NMNAT2: variants seen among roughly 807,000 people sequenced by gnomAD.
The protein encoded by NMNAT2 is nicotinamide nucleotide adenylyltransferase 2.
Under a neutral mutation model 41.6 loss-of-function variants are expected in NMNAT2, and 11 were observed. The ratio of observed to expected loss-of-function variants is 0.26; its 90% CI spans 0.17 to 0.44. NMNAT2 has a LOEUF of 0.44. Ranked by LOEUF, NMNAT2 falls within the 20% of genes least tolerant of loss-of-function variation. The probability of loss-of-function intolerance (pLI) is 1.00; values close to 1 mark genes in which losing one functional copy is unlikely to be tolerated. For missense variants in NMNAT2, 288 were observed against 407.7 expected (o/e 0.71, Z 2.53); for synonymous variants, 148 against 151.2 (o/e 0.98, Z 0.16).
At chr1:183,402,680 C>G (rs1648844313) in intron 1 of NMNAT2, among the ~76,000 whole-genome samples, 1 of 152,162 alleles carries the variant, frequency 6.6e-6, no homozygotes, top group South Asian at 2.1e-4. Context: ...TTACTCACAA[C>G]ACAGGCCAAA....
At chr1:183,342,282 G>A (rs570736328) in intron 1 of NMNAT2, among the ~76,000 whole-genome samples, 1 of 152,030 alleles carries the variant, frequency 6.6e-6, no homozygotes, top group Non-Finnish European at 1.5e-5. Context: ...CTTGAGACCA[G>A]GGATTCAAGA....
At chr1:183,295,362 T>C (rs1661662469) in intron 1 of NMNAT2, among the ~76,000 whole-genome samples, 1 of 152,166 alleles carries the variant, frequency 6.6e-6, no homozygotes, top group South Asian at 2.1e-4. Context: ...AGACTATTTG[T>C]AACACCGTTT....
chr1:183,256,515 T>C (rs1242748400), intron 10 of NMNAT2, among the ~76,000 whole-genome samples: 3 of 152,252 alleles, frequency 2.0e-5, no homozygotes, highest in South Asian at 4.1e-4. Flanking sequence ...AGAAAGGATG[T>C]TGAACTTTGT....
intron 1 of NMNAT2, among the ~76,000 whole-genome samples, chr1:183,387,512 A>G (rs971998421): frequency 6.6e-6 from 1 of 152,216 alleles, no homozygotes; most frequent in African/African-American, 2.4e-5. Context: ...ACAAGGTCTA[A>G]CACCAATAAT....
At chr1:183,348,424 GTA>G (rs1662978398) in intron 1 of NMNAT2, among the ~76,000 whole-genome samples, 1 of 152,142 alleles carries the variant, frequency 6.6e-6, no homozygotes, top group Admixed American at 6.5e-5. Context: ...GAGCTCCCCT[GTA>G]TATAAGGAAC....
Position 183,261,012 on chromosome 1 carries a change from T to G in NMNAT2, c.811A>C (p.Thr271Pro), listed in dbSNP as rs140845219. The G allele has an allele frequency of 1.9e-6, 3 of 1,613,530 alleles. No homozygotes were observed. The highest frequency in any genetic ancestry group is 2.5e-6 in the Non-Finnish European group (3 of 1,179,462). Residue 271 changes from threonine (T) to proline (P), a missense_variant, in exon 10 of 11, where the codon ACC becomes CCC. Thr to Pro is a conservative substitution (Grantham distance 38, BLOSUM62 -1). Transcript: ENST00000287713. Reference protein sequence around the residue: ...INHPMSVVSSTKSRLALQHGD... With the variant: ...INHPMSVVSSPKSRLALQHGD... ...ATTTGTCAAACATACCTGCTCTTGG[T>G]TGAGCTGACAACAGACATGGGATGG...
At chr1:183,302,800 C>T (rs1245036769) in intron 1 of NMNAT2, among the ~76,000 whole-genome samples, 5 of 152,166 alleles carry the variant, frequency 3.3e-5, no homozygotes, top group Non-Finnish European at 7.4e-5. Context: ...ACATCTTTTG[C>T]CCCTGTTTCT....
chr1:183,396,299 G>A (rs1338581484), intron 1 of NMNAT2, among the ~76,000 whole-genome samples: 1 of 152,126 alleles, frequency 6.6e-6, no homozygotes, highest in East Asian at 1.9e-4. Context: ...CAACAATCAG[G>A]TGATGGTCAG....
intron 1 of NMNAT2, among the ~76,000 whole-genome samples, chr1:183,298,658 C>G (rs888997461): frequency 6.6e-6 from 1 of 152,146 alleles, no homozygotes; most frequent in African/African-American, 2.4e-5. Flanking sequence ...AACACAGGAA[C>G]ATATATTTGA....
intron 2 of NMNAT2, among the ~76,000 whole-genome samples, chr1:183,293,221 C>G (rs1410828547): frequency 6.6e-6 from 1 of 152,192 alleles, no homozygotes; most frequent in African/African-American, 2.4e-5. Context: ...CAAGGTGCAT[C>G]TGTGGGAGAA....
chr1:183,255,175 C>T (rs2102273827), intron 10 of NMNAT2, among the ~76,000 whole-genome samples: 1 of 152,262 alleles, frequency 6.6e-6, no homozygotes, highest in East Asian at 1.9e-4. Flanking sequence ...AAGAGACTGT[C>T]CTCTCTTTAT....
intron 5 of NMNAT2, among the ~76,000 whole-genome samples, chr1:183,286,315 C>T (rs1318395677): frequency 3.9e-5 from 6 of 152,178 alleles, no homozygotes; most frequent in African/African-American, 1.2e-4. Context: ...TACTCTCAAA[C>T]TCCTGGGCTC....
chr1:183,415,716 A>G (rs747237647), intron 1 of NMNAT2, among the ~76,000 whole-genome samples: 6 of 152,264 alleles, frequency 3.9e-5, no homozygotes, highest in Non-Finnish European at 7.3e-5. Context: ...CATAACATAG[A>G]TGAAATGGCT....
At chr1:183,388,049 G>A (rs761711832) in intron 1 of NMNAT2, among the ~76,000 whole-genome samples, 13 of 152,286 alleles carry the variant, frequency 8.5e-5, no homozygotes, top group Non-Finnish European at 1.8e-4. Context: ...TAATTCATTT[G>A]ATCTTCACAG....
chr1:183,300,376 T>G (rs12136020), intron 1 of NMNAT2, among the ~76,000 whole-genome samples: 61,138 of 149,792 alleles, frequency 0.41, 12,565 homozygotes, highest in Middle Eastern at 0.45. Context: ...TACTCCAGCC[T>G]GGGTGACAGA....
intron 1 of NMNAT2, among the ~76,000 whole-genome samples, chr1:183,337,096 G>T (rs1379218978): frequency 6.6e-6 from 1 of 152,186 alleles, no homozygotes; most frequent in African/African-American, 2.4e-5. Context: ...AGAATGGTCT[G>T]TATCTTGATT....
intron 1 of NMNAT2, among the ~76,000 whole-genome samples, chr1:183,318,651 C>A (rs546984957): frequency 6.6e-6 from 1 of 152,278 alleles, no homozygotes; most frequent in East Asian, 1.9e-4. Flanking sequence ...CTGGGAAAAA[C>A]CCTCAGTCCT....
intron 1 of NMNAT2, among the ~76,000 whole-genome samples, chr1:183,328,003 A>T (rs1309801709): frequency 1.3e-5 from 2 of 152,234 alleles, no homozygotes; most frequent in Middle Eastern, 3.4e-3. Context: ...TCGGTGGCTC[A>T]TCAACGTCAG....
intron 1 of NMNAT2, among the ~76,000 whole-genome samples, chr1:183,317,659 AGAC>A (rs1474098236): frequency 1.3e-5 from 2 of 152,164 alleles, no homozygotes; most frequent in African/African-American, 4.8e-5. Flanking sequence ...GAAGCCGAGA[AGAC>A]TTTTAGAGTT....
Sources: gnomAD v4.1 joint callset for allele counts (sites outside exome capture counted in the v4.1 genomes callset) on GRCh38, gnomAD v4.1.1 for gene constraint, MANE v1.5 for transcripts, NCBI Gene and HGNC (gene_info 2026-07-23, HGNC 2026-07-21) for gene names.